The following FBXL20 variants were observed in gnomAD, a reference collection of about 807,000 sequenced individuals.
The protein encoded by FBXL20 is F-box and leucine rich repeat protein 20.
FBXL20 carries 11 observed loss-of-function variants against 64.0 expected under a neutral mutation model. The observed-to-expected ratio is 0.17, with a 90% CI of 0.11 to 0.28. The LOEUF (loss-of-function observed/expected upper bound fraction) is 0.28. Among genes scored for constraint, FBXL20 ranks in the 10% least tolerant of loss-of-function variants. The probability of loss-of-function intolerance (pLI) is 1.00; values close to 1 mark genes in which losing one functional copy is unlikely to be tolerated. For synonymous variants in FBXL20, 184 were observed against 189.0 expected (o/e 0.97, Z 0.22); for missense variants, 303 against 526.2 (o/e 0.58, Z 4.15).
chr17:39,340,630 A>C (rs1224365274), intron 2 of FBXL20, among the ~76,000 whole-genome samples: 1 of 152,130 alleles, frequency 6.6e-6, no homozygotes, highest in Non-Finnish European at 1.5e-5. Context: ...TAAATTCTCT[A>C]TCCTATTTTT....
intron 2 of FBXL20, among the ~76,000 whole-genome samples, chr17:39,319,342 C>G (rs1275791904): frequency 6.6e-6 from 1 of 151,938 alleles, no homozygotes; most frequent in Non-Finnish European, 1.5e-5. Flanking sequence ...ACTCTACATT[C>G]TAAGATTACC....
Position 39,254,726 on chromosome 17 carries a change from T to C in FBXL20, c.*6734A>G, listed in dbSNP as rs2046679542. ...GACAGATGCTGTACCTGAGGCAAAG[T>C]ACCCCAATTCTAGAGCTAATTATCT... On this transcript the variant is annotated 3_prime_UTR_variant, in exon 15 of 15. Coordinates refer to ENST00000264658, the MANE Select transcript of FBXL20 (RefSeq NM_032875.3). 6.5e-6 allele frequency: 1 copy of C among 154,550 alleles called. No homozygotes were observed. Among genetic ancestry groups the C allele is most frequent in the African/African-American group, 2.4e-5 (1 of 41,526 alleles). 9.6% of individuals were successfully genotyped at this position (154,550 alleles called of 1,614,324 possible).
At chr17:39,311,582 A>ATATT (rs2047236044) in intron 2 of FBXL20, among the ~76,000 whole-genome samples, 1 of 151,862 alleles carries the variant, frequency 6.6e-6, no homozygotes, top group African/African-American at 2.4e-5. Context: ...TGATTATCCA[A>ATATT]CTCCACTCCC....
In FBXL20 at chr17:39,393,870, A is replaced by T. The variant is rs1172273350; in HGVS notation, c.42+7491T>A. ...TTAAATACGTATCTTTGTTTTTTAT[A>T]AAAGTTATACAACTAAGCAAGATGA... On this transcript the variant is annotated intron_variant, in intron 1 of 14. Coordinates refer to ENST00000264658, the MANE Select transcript of FBXL20 (RefSeq NM_032875.3). Among the ~76,000 whole-genome samples, 3 of 152,258 alleles carry T rather than the reference A, an allele frequency of 2.0e-5. No homozygotes were observed. In the East Asian group the frequency reaches 5.8e-4, roughly 29 times the overall value.
chr17:39,381,059 C>T (rs1030599184), intron 1 of FBXL20, among the ~76,000 whole-genome samples: 1 of 151,868 alleles, frequency 6.6e-6, no homozygotes, highest in Non-Finnish European at 1.5e-5. Flanking sequence ...AGTCAGGAGG[C>T]TGAAGCAGGA....
intron 1 of FBXL20, among the ~76,000 whole-genome samples, chr17:39,358,108 AGT>A (rs1229576462): frequency 6.6e-6 from 1 of 152,224 alleles, no homozygotes; most frequent in Non-Finnish European, 1.5e-5. Context: ...GAGGTGAGGC[AGT>A]ATTACCAGCG....
At chr17:39,363,827 C>CAAAAAAAAAAAAAACAAAAAA (rs1555612706) in intron 1 of FBXL20, among the ~76,000 whole-genome samples, 3 of 78,006 alleles carry the variant, frequency 3.8e-5, no homozygotes, top group African/African-American at 5.4e-5. Flanking sequence ...AAAAAAAAAA[C>CAAAAAAAAAAAAAACAAAAAA]AAAAAACAAA....
At chr17:39,323,513 TG>T (rs1045891665) in intron 2 of FBXL20, among the ~76,000 whole-genome samples, 5 of 151,554 alleles carry the variant, frequency 3.3e-5, no homozygotes, top group African/African-American at 4.9e-5. Flanking sequence ...TCAAGATGGG[TG>T]GGGACAGTTA....
At position 39,348,807 on chromosome 17, in the gene FBXL20, C is replaced by G. The variant is rs537736921; in HGVS notation, c.43-5566G>C. On this transcript the variant is annotated intron_variant, in intron 1 of 14. Transcript: ENST00000264658. ...CTTGACCTCCGGACTCAATGCTCCC[C>G]CTTCGGCCTCCTGAGTAGCTAGGAC... Among the ~76,000 whole-genome samples, 7 of 152,238 alleles carry G rather than the reference C, an allele frequency of 4.6e-5. No individual in the cohort carries two copies. In the South Asian group the frequency reaches 6.2e-4, roughly 14 times the overall value.
intron 6 of FBXL20, among the ~76,000 whole-genome samples, chr17:39,286,266 G>A (rs563110767): frequency 3.9e-5 from 6 of 152,186 alleles, no homozygotes; most frequent in African/African-American, 1.4e-4. Flanking sequence ...CCAGGCTGGA[G>A]AGCAGTGTTG....
intron 2 of FBXL20, among the ~76,000 whole-genome samples, chr17:39,309,603 G>A (rs1466881998): frequency 1.3e-5 from 2 of 151,970 alleles, no homozygotes; most frequent in Non-Finnish European, 2.9e-5. Context: ...AGGAGTTCGA[G>A]ACCAGCCTGG....
At chr17:39,324,836 C>T (rs566121147) in intron 2 of FBXL20, among the ~76,000 whole-genome samples, 2 of 152,152 alleles carry the variant, frequency 1.3e-5, no homozygotes, top group South Asian at 4.2e-4. Context: ...TCTCTTAATC[C>T]AAATCCAACT....
chr17:39,332,536 C>CTTTTT (rs58827473), intron 2 of FBXL20, among the ~76,000 whole-genome samples: 2 of 96,964 alleles, frequency 2.1e-5, no homozygotes, highest in African/African-American at 4.1e-5. Flanking sequence ...TTCTTTGTAT[C>CTTTTT]TTTTTTTTTT....
intron 6 of FBXL20, among the ~76,000 whole-genome samples, 179 bp from the exon 7 acceptor site, chr17:39,285,752 T>C (rs1216924916): frequency 6.6e-6 from 1 of 152,170 alleles, no homozygotes; most frequent in African/African-American, 2.4e-5. Context: ...ACAGATACCA[T>C]TCACAAAGAA....
chr17:39,265,365 T>C (rs772249522), intron 13 of FBXL20, 32 bp downstream of exon 13: 1 of 1,565,888 alleles, frequency 6.4e-7, no homozygotes. Flanking sequence ...TTAAACCCAG[T>C]AAACACATAA....
chr17:39,337,302 G>C (rs1452952361), intron 2 of FBXL20, among the ~76,000 whole-genome samples: 1 of 152,194 alleles, frequency 6.6e-6, no homozygotes, highest in Non-Finnish European at 1.5e-5. Context: ...ATGGTGCCCA[G>C]GCTGGAGTGC....
intron 1 of FBXL20, among the ~76,000 whole-genome samples, chr17:39,367,275 C>A (rs1390602303): frequency 6.6e-6 from 1 of 151,264 alleles, no homozygotes; most frequent in Non-Finnish European, 1.5e-5. Flanking sequence ...TTGTAGAATT[C>A]CTATTAGTCA....
At chr17:39,310,391 C>T (rs1368724387) in intron 2 of FBXL20, among the ~76,000 whole-genome samples, 2 of 152,046 alleles carry the variant, frequency 1.3e-5, no homozygotes, top group Non-Finnish European at 1.5e-5. Context: ...GAAGACTTTC[C>T]AGACCTCCCC....
intron 1 of FBXL20, among the ~76,000 whole-genome samples, chr17:39,374,684 C>T (rs1039009305): frequency 6.6e-6 from 1 of 152,154 alleles, no homozygotes; most frequent in Non-Finnish European, 1.5e-5. Flanking sequence ...TCTTCTAAAC[C>T]TAAAACTGAA....
Sources: allele counts gnomAD v4.1 joint callset (sites outside exome capture counted in the v4.1 genomes callset), GRCh38; gene constraint gnomAD v4.1.1; transcripts MANE v1.5; gene names NCBI Gene and HGNC (gene_info 2026-07-23, HGNC 2026-07-21).